Variants in FKBP5 observed in about 807,000 individuals in gnomAD.
FKBP5 encodes peptidyl-prolyl cis-trans isomerase FKBP5.
FKBP5 carries 23 observed loss-of-function variants against 50.5 expected under a neutral mutation model. That is an observed-to-expected ratio of 0.46 (90% CI 0.33 to 0.65). The LOEUF (loss-of-function observed/expected upper bound fraction) is 0.65. FKBP5 is among the 30% of genes least tolerant of loss of function. FKBP5 has a pLI of 0.02. For missense variants in FKBP5, 411 were observed against 553.1 expected (o/e 0.74, Z 2.58); for synonymous variants, 176 against 190.6 (o/e 0.92, Z 0.63).
chr6:35,586,428 C>T (rs1762600686), intron 8 of FKBP5: 3 of 985,184 alleles, frequency 3.0e-6, no homozygotes, highest in East Asian at 1.1e-4. Flanking sequence ...TGTGCATGTC[C>T]TCTCTCCTTT....
intron 1 of FKBP5, among the ~76,000 whole-genome samples, chr6:35,652,106 T>C (rs1764818307): frequency 6.6e-6 from 1 of 152,254 alleles, no homozygotes; most frequent in South Asian, 2.1e-4. Flanking sequence ...TGTAAAGATT[T>C]CATGGACACT....
chr6:35,643,119 T>C (rs540626115), intron 1 of FKBP5, among the ~76,000 whole-genome samples: 32 of 152,318 alleles, frequency 2.1e-4, no homozygotes, highest in African/African-American at 7.5e-4. Context: ...TTCCTTAACA[T>C]AACATGGTGA....
At chr6:35,690,651 A>C (rs1765968982), upstream of FKBP5, among the ~76,000 whole-genome samples, 1 of 152,180 alleles carries the variant, frequency 6.6e-6, no homozygotes. Context: ...AGAAAAACAA[A>C]GTTGATCAAA....
At chr6:35,681,563 T>C (rs1229252613) in intron 1 of FKBP5, among the ~76,000 whole-genome samples, 1 of 152,190 alleles carries the variant, frequency 6.6e-6, no homozygotes, top group Non-Finnish European at 1.5e-5. Flanking sequence ...TCTCTTGCTA[T>C]GAACAGTATT....
chr6:35,640,361 T>C (rs769729299), intron 2 of FKBP5, among the ~76,000 whole-genome samples: 2 of 151,944 alleles, frequency 1.3e-5, no homozygotes, highest in Non-Finnish European at 2.9e-5. Context: ...TATCTCAACA[T>C]AGAAAAAGGT....
chr6:35,614,861 A>G (rs1763596291), intron 5 of FKBP5, among the ~76,000 whole-genome samples: 1 of 152,130 alleles, frequency 6.6e-6, no homozygotes, highest in African/African-American at 2.4e-5. Flanking sequence ...ACGGTGGCTC[A>G]TTCCTGTAAT....
At chr6:35,705,250 ATATATATATTTTTTTT>A (rs1766282995) in intron 2 of FKBP5, among the ~76,000 whole-genome samples, 1 of 4,626 alleles carries the variant, frequency 2.2e-4, no homozygotes, top group Non-Finnish European at 2.7e-4. Context: ...ATATATATAT[ATATATATATTTTTTTT>A]TTTTTTTTTT....
In FKBP5 at chr6:35,598,346, C is replaced by T. The variant is rs562969437; in HGVS notation, c.509-942G>A. ...CAAACAATTCTCCTGTCTCAGCCTCCGAAGTAGCTGGGATTACAGGTGTGT... is the reference window on the plus strand; with the variant it reads ...CAAACAATTCTCCTGTCTCAGCCTCTGAAGTAGCTGGGATTACAGGTGTGT... On this transcript the variant is annotated intron_variant, in intron 5 of 10. Coordinates refer to ENST00000357266, the MANE Select transcript of FKBP5 (RefSeq NM_004117.4). Among the ~76,000 whole-genome samples, 7 of 151,958 alleles carry T rather than the reference C, an allele frequency of 4.6e-5. No individual in the cohort carries two copies. The South Asian group carries it at 1.2e-3, about 27-fold the overall frequency.
chr6:35,727,517 C>T (rs1766739922), intron 1 of FKBP5, among the ~76,000 whole-genome samples: 1 of 152,208 alleles, frequency 6.6e-6, no homozygotes, highest in African/African-American at 2.4e-5. Flanking sequence ...TTTCCCAAAC[C>T]GTCCAAAAGG....
chr6:35,596,202 A>C (rs935480774), intron 6 of FKBP5, among the ~76,000 whole-genome samples: 1 of 152,138 alleles, frequency 6.6e-6, no homozygotes, highest in African/African-American at 2.4e-5. Flanking sequence ...TAGAAATACA[A>C]AAATTAGACA....
chr6:35,707,708 C>A (rs1766346693), intron 2 of FKBP5, among the ~76,000 whole-genome samples: 1 of 152,090 alleles, frequency 6.6e-6, no homozygotes, highest in Non-Finnish European at 1.5e-5. Flanking sequence ...TCTCCTCCCA[C>A]CCTCCACCCT....
At chr6:35,703,461 G>T (rs549610620) in intron 2 of FKBP5, among the ~76,000 whole-genome samples, 51 of 152,108 alleles carry the variant, frequency 3.4e-4, no homozygotes, top group African/African-American at 1.2e-3. Context: ...GATACTCAAG[G>T]TGATTGATAT....
At chr6:35,698,888 T>C (rs1766129956) in intron 2 of FKBP5, among the ~76,000 whole-genome samples, 1 of 152,156 alleles carries the variant, frequency 6.6e-6, no homozygotes, top group Non-Finnish European at 1.5e-5. Context: ...AAGGGAATAG[T>C]GCCCAAACCA....
chr6:35,705,040 C>T (rs1260317916), intron 2 of FKBP5, among the ~76,000 whole-genome samples: 1 of 150,610 alleles, frequency 6.6e-6, no homozygotes, highest in Non-Finnish European at 1.5e-5. Context: ...ACTCAGGAGG[C>T]TGAGGCAAGA....
At chr6:35,631,894 G>A (rs1275909053) in intron 3 of FKBP5, among the ~76,000 whole-genome samples, 3 of 146,172 alleles carry the variant, frequency 2.1e-5, no homozygotes, top group Admixed American at 7.0e-5. Context: ...GGCGGAGGTT[G>A]CAATGAGCGG....
chr6:35,586,170 G>A (rs1047044655), intron 8 of FKBP5: 2 of 984,626 alleles, frequency 2.0e-6, no homozygotes, highest in African/African-American at 3.5e-5. Flanking sequence ...TTTGGGGTGG[G>A]GAAGCAATGG....
intron 2 of FKBP5, among the ~76,000 whole-genome samples, chr6:35,711,331 AAAG>A (rs1766408318): frequency 6.6e-6 from 1 of 151,026 alleles, no homozygotes; most frequent in Admixed American, 6.6e-5. Context: ...AAAAAAAAAA[AAAG>A]AAGGCCGGGA....
At position 35,624,599 on chromosome 6, in the gene FKBP5, TTCTCTACCAGTTC is replaced by T. The variant is rs373400968; in HGVS notation, c.251-4338_251-4326del. Reference sequence around the variant, plus strand: ...CCTGGCTAATATGAGTGACTGCTGCTTCTCTACCAGTTCTAGCTTTGGTCTCACTCTACTCTAG... The same window carrying T: ...CCTGGCTAATATGAGTGACTGCTGCTTAGCTTTGGTCTCACTCTACTCTAG... On this transcript the variant is annotated intron_variant, in intron 3 of 10. Transcript: ENST00000357266. 4.9e-3 allele frequency among the ~76,000 whole-genome samples: 739 copies of T among 152,258 alleles called. 5 individuals are homozygous for T. Among genetic ancestry groups the T allele is most frequent in the Non-Finnish European group, 7.7e-3 (521 of 68,002 alleles).
At chr6:35,606,921 GT>G (rs1461866197) in intron 5 of FKBP5, among the ~76,000 whole-genome samples, 1 of 152,076 alleles carries the variant, frequency 6.6e-6, no homozygotes, top group Non-Finnish European at 1.5e-5. Flanking sequence ...ACACTGACAT[GT>G]TTACTGCAGC....
Sources: gnomAD v4.1 joint callset for allele counts (sites outside exome capture counted in the v4.1 genomes callset) on GRCh38, gnomAD v4.1.1 for gene constraint, MANE v1.5 for transcripts, NCBI Gene and HGNC (gene_info 2026-07-23, HGNC 2026-07-21) for gene names.